The following EGFLAM variants were observed in gnomAD, a reference collection of about 807,000 sequenced individuals.
EGFLAM encodes pikachurin.
A neutral mutation model predicts 113.1 loss-of-function variants in EGFLAM; 79 were observed. The ratio of observed to expected loss-of-function variants is 0.70; its 90% CI spans 0.58 to 0.84. The LOEUF (loss-of-function observed/expected upper bound fraction) is 0.84. EGFLAM is among the 40% of genes least tolerant of loss of function. EGFLAM has a pLI of 0.00. For missense variants in EGFLAM, 1,265 were observed against 1,291.6 expected (o/e 0.98, Z 0.32); for synonymous variants, 504 against 487.6 (o/e 1.03, Z -0.44).
rs182429269 is a variant in EGFLAM at position 38,445,774 on chromosome 5, G to C, written c.2465-2527G>C. On this transcript the variant is annotated intron_variant, in intron 17 of 21. Transcript: ENST00000322350. ...GGGGCAGGCCAACCGCATGCAGGGG[G>C]ACCCGGGGTGAGTGGTGTGGGAGCT... is the stretch of plus-strand genomic sequence containing the variant. The C allele has an allele frequency of 9.3e-4, 1,393 of 1,504,816 alleles. 12 individuals carry two copies. The African/African-American group carries it at 0.016, about 18-fold the overall frequency. The allele number at this position is 1,504,816 out of a possible 1,614,324, so 93.2% of individuals were successfully genotyped here.
chr5:38,329,167 T>C (rs973753504), intron 1 of EGFLAM, among the ~76,000 whole-genome samples: 2 of 151,994 alleles, frequency 1.3e-5, no homozygotes, highest in African/African-American at 4.8e-5. Flanking sequence ...CACGTGACTG[T>C]AGTCCCAGCT....
At chr5:38,265,170 G>A (rs1757603073) in intron 1 of EGFLAM, among the ~76,000 whole-genome samples, 1 of 152,184 alleles carries the variant, frequency 6.6e-6, no homozygotes, top group African/African-American at 2.4e-5. Flanking sequence ...TTCTTACCCA[G>A]AGCCGAGGGC....
chr5:38,429,424 T>C lies in EGFLAM; in HGVS notation c.2055-1753T>C, dbSNP rs75935340. Among the ~76,000 whole-genome samples, 37 of 152,354 alleles carry C rather than the reference T, an allele frequency of 2.4e-4. No homozygotes were observed. The East Asian group carries it at 6.9e-3, about 29-fold the overall frequency. On this transcript the variant is annotated intron_variant, in intron 14 of 21. Coordinates refer to ENST00000322350, the MANE Select transcript of EGFLAM (RefSeq NM_152403.4). ...GGGGGTGGTGACCTTTCAATAATTG[T>C]GCCCATTGGTATTCCTCATGGTTTT...
At chr5:38,372,455 G>A (rs951580772) in intron 6 of EGFLAM, among the ~76,000 whole-genome samples, 3 of 152,122 alleles carry the variant, frequency 2.0e-5, no homozygotes, top group East Asian at 3.9e-4. Context: ...CATGACGCCC[G>A]GCCTCATACT....
At chr5:38,393,796 T>A (rs1740879091) in intron 6 of EGFLAM, among the ~76,000 whole-genome samples, 1 of 152,244 alleles carries the variant, frequency 6.6e-6, no homozygotes, top group Non-Finnish European at 1.5e-5. Flanking sequence ...CTCTTTCAGC[T>A]GTGCCATCCA....
intron 1 of EGFLAM, among the ~76,000 whole-genome samples, chr5:38,265,717 A>G (rs16903909): frequency 0.024 from 3,645 of 152,258 alleles, 144 homozygotes; most frequent in African/African-American, 0.082. Flanking sequence ...GGCTTAGATG[A>G]GTCAAATAAA....
intron 1 of EGFLAM, among the ~76,000 whole-genome samples, chr5:38,287,483 T>C (rs1334515882): frequency 6.6e-6 from 1 of 152,194 alleles, no homozygotes; most frequent in Admixed American, 6.5e-5. Context: ...GCAGTCCTTC[T>C]GCCTCAGCCT....
At position 38,446,047 on chromosome 5, in the gene EGFLAM, C is replaced by T. The variant is rs1579943221; in HGVS notation, c.2465-2254C>T. On this transcript the variant is annotated intron_variant, in intron 17 of 21. Coordinates refer to ENST00000322350, the MANE Select transcript of EGFLAM (RefSeq NM_152403.4). ...AGGGACAGGCCCTGGCGGTACCTCTCCCCCGTGGGGGTGAGCCAAACCCAC... is the reference window on the plus strand; with the variant it reads ...AGGGACAGGCCCTGGCGGTACCTCTTCCCCGTGGGGGTGAGCCAAACCCAC... 2.6e-5 allele frequency among the ~76,000 whole-genome samples: 4 copies of T among 152,280 alleles called. No individual in the cohort carries two copies. In the East Asian group the frequency reaches 5.8e-4, roughly 22 times the overall value.
At chr5:38,459,678 C>T (rs74211754) in intron 20 of EGFLAM, among the ~76,000 whole-genome samples, 1 of 152,056 alleles carries the variant, frequency 6.6e-6, no homozygotes, top group Non-Finnish European at 1.5e-5. Context: ...AAACATGGCG[C>T]CCACCATGGC....
intron 1 of EGFLAM, among the ~76,000 whole-genome samples, chr5:38,265,891 G>T (rs925357318): frequency 6.6e-6 from 1 of 152,186 alleles, no homozygotes; most frequent in African/African-American, 2.4e-5. Context: ...TTTGAGACAT[G>T]CCAAAAGAGA....
At chr5:38,326,352 G>A (rs1002146807) in intron 1 of EGFLAM, among the ~76,000 whole-genome samples, 1 of 152,200 alleles carries the variant, frequency 6.6e-6, no homozygotes, top group African/African-American at 2.4e-5. Context: ...GAAGTAGAGA[G>A]GAGCGAATGG....
chr5:38,258,923 G>A, intron 1 of EGFLAM, 72 bp downstream of exon 1: 1 of 1,475,702 alleles, frequency 6.8e-7, no homozygotes, highest in Non-Finnish European at 9.1e-7. Flanking sequence ...AGGACACAGA[G>A]CGGGCAGCGC....
At chr5:38,372,942 G>C (rs1156705332) in intron 6 of EGFLAM, among the ~76,000 whole-genome samples, 1 of 151,996 alleles carries the variant, frequency 6.6e-6, no homozygotes, top group African/African-American at 2.4e-5. Flanking sequence ...TCCAAAACAT[G>C]ATTTTCCCAT....
In EGFLAM at chr5:38,464,344, A is replaced by G. The variant is rs1489574609; in HGVS notation, c.*358A>G. The G allele has an allele frequency of 4.9e-6, 1 of 203,292 alleles. No individual in the cohort carries two copies. Among genetic ancestry groups the G allele is most frequent in the Non-Finnish European group, 1.0e-5 (1 of 100,478 alleles). 12.6% of individuals were successfully genotyped at this position (203,292 alleles called of 1,614,324 possible). On this transcript the variant is annotated 3_prime_UTR_variant, in exon 22 of 22. Transcript: ENST00000322350. ...GTACATTAAAAAGAGAGAGAGAGAG[A>G]AAGAATCCCACAGGGCACTATTAAA...
intron 14 of EGFLAM, 165 bp downstream of exon 14, chr5:38,427,417 G>A: frequency 8.5e-7 from 1 of 1,183,366 alleles, no homozygotes. Flanking sequence ...CAGATGACAG[G>A]CTTCCTATAG....
chr5:38,389,877 A>T (rs980905763), intron 6 of EGFLAM, among the ~76,000 whole-genome samples: 1 of 152,104 alleles, frequency 6.6e-6, no homozygotes, highest in Non-Finnish European at 1.5e-5. Context: ...CACTGATTCA[A>T]GTTTCTACAG....
At chr5:38,403,944 T>C (rs1741196841) in intron 6 of EGFLAM, 3 of 1,612,914 alleles carry the variant, frequency 1.9e-6, no homozygotes, top group Non-Finnish European at 2.5e-6. Context: ...TGGACTACTT[T>C]AAATAAAACT....
At chr5:38,413,961 A>C (rs1741564715) in intron 11 of EGFLAM, among the ~76,000 whole-genome samples, 1 of 152,156 alleles carries the variant, frequency 6.6e-6, no homozygotes, top group South Asian at 2.1e-4. Flanking sequence ...ATCTAATGGC[A>C]CAGCTGATCT....
intron 5 of EGFLAM, among the ~76,000 whole-genome samples, chr5:38,367,647 G>A (rs894573944): frequency 5.3e-5 from 8 of 152,098 alleles, no homozygotes; most frequent in Admixed American, 2.6e-4. Context: ...CCAAGATAGC[G>A]TTGCTATGGT....
Sources: allele counts gnomAD v4.1 joint callset (sites outside exome capture counted in the v4.1 genomes callset), GRCh38; gene constraint gnomAD v4.1.1; transcripts MANE v1.5; gene names NCBI Gene and HGNC (gene_info 2026-07-23, HGNC 2026-07-21).